Variants in FOXP1 observed in about 807,000 individuals in gnomAD.
FOXP1 encodes forkhead box protein P1.
Under a neutral mutation model 98.2 loss-of-function variants are expected in FOXP1, and 15 were observed. The observed-to-expected ratio is 0.15, with a 90% confidence interval of 0.10 to 0.24. The LOEUF (loss-of-function observed/expected upper bound fraction) is 0.24, where lower values mean the gene tolerates loss of function less well. Among genes scored for constraint, FOXP1 ranks in the 10% least tolerant of loss-of-function variants. FOXP1 has a pLI of 1.00. For missense variants in FOXP1, 633 were observed against 848.5 expected (o/e 0.75, Z 3.15); for synonymous variants, 371 against 314.5 (o/e 1.18, Z -1.90).
At position 71,226,498 on chromosome 3, in the gene FOXP1, G is replaced by A. The variant is rs560756864; in HGVS notation, c.-11-28106C>T. Among the ~76,000 whole-genome samples the A allele has an allele frequency of 1.1e-4, 16 of 151,926 alleles. No homozygotes were observed. The South Asian group carries it at 1.9e-3, about 18-fold the overall frequency. On this transcript the variant is annotated intron_variant, in intron 5 of 20. Transcript: ENST00000649528. ...TCACCTATGCAAGAGCCTCTTCCAGGCACAAGTGATGGCAGGGTCTACTCT... is the reference window on the plus strand; with the variant it reads ...TCACCTATGCAAGAGCCTCTTCCAGACACAAGTGATGGCAGGGTCTACTCT...
At chr3:71,226,069 A>G (rs2065811378) in intron 5 of FOXP1, among the ~76,000 whole-genome samples, 1 of 152,232 alleles carries the variant, frequency 6.6e-6, no homozygotes, top group Admixed American at 6.5e-5. Context: ...GGGCAGAGAA[A>G]AAACTTCTGA....
At chr3:71,087,433 A>G (rs1296403836) in intron 7 of FOXP1, among the ~76,000 whole-genome samples, 2 of 152,262 alleles carry the variant, frequency 1.3e-5, no homozygotes, top group Non-Finnish European at 2.9e-5. Context: ...GAGCCGCATC[A>G]GAGGTACTCT....
chr3:71,583,876 C>T (rs2048391177), upstream of FOXP1: 2 of 985,466 alleles, frequency 2.0e-6, no homozygotes, highest in Non-Finnish European at 2.4e-6. Context: ...CGACCCTCTA[C>T]CTCCCGCAGG....
intron 2 of FOXP1, among the ~76,000 whole-genome samples, chr3:71,546,876 A>G (rs2045403083): frequency 6.6e-6 from 1 of 152,194 alleles, no homozygotes; most frequent in Admixed American, 6.5e-5. Flanking sequence ...TTTCATCTGA[A>G]AATAAAACTG....
chr3:71,088,400 GT>G lies in FOXP1; in HGVS notation c.282+24135del, dbSNP rs539363748. 1.3e-3 allele frequency among the ~76,000 whole-genome samples: 186 copies of G among 140,744 alleles called. 1 individual carries two copies. Among genetic ancestry groups the G allele is most frequent in the South Asian group, 2.6e-3 (12 of 4,536 alleles). 92.3% of individuals were successfully genotyped at this position (140,744 alleles called of 152,430 possible). A position where few individuals can be genotyped will look rare whatever the true frequency, so the allele number is the denominator to read the frequency against. The stretch of plus-strand genomic sequence containing the variant: ...GTGGTGATACATTGTTTTGTTTTTT[GT>G]TTTTTTTTTTTTGGCTTACCAGTTT... On this transcript the variant is annotated intron_variant, in intron 7 of 20. Transcript: ENST00000649528.
At chr3:71,366,515 TTGCCCTAGAGAAA>T (rs1327161543) in intron 3 of FOXP1, among the ~76,000 whole-genome samples, 2 of 152,204 alleles carry the variant, frequency 1.3e-5, no homozygotes, top group African/African-American at 4.8e-5. Context: ...TTAACAGTAT[TTGCCCTAGAGAAA>T]TGGGATTACG....
At chr3:71,100,830 T>A (rs1314439646) in intron 7 of FOXP1, among the ~76,000 whole-genome samples, 1 of 152,152 alleles carries the variant, frequency 6.6e-6, no homozygotes, top group Non-Finnish European at 1.5e-5. Flanking sequence ...ATAAACTTCT[T>A]CTCGGGACAT....
At chr3:71,556,276 C>A (rs904568123) in intron 2 of FOXP1, among the ~76,000 whole-genome samples, 2 of 151,860 alleles carry the variant, frequency 1.3e-5, no homozygotes, top group East Asian at 3.9e-4. Flanking sequence ...AATTCTATAC[C>A]ATCTTTCACC....
intron 5 of FOXP1, among the ~76,000 whole-genome samples, chr3:71,229,245 C>T (rs1471100669): frequency 6.6e-6 from 1 of 152,126 alleles, no homozygotes; most frequent in Non-Finnish European, 1.5e-5. Context: ...ACATTAAAAT[C>T]TTTCATTCTG....
At chr3:71,481,863 C>G (rs891540207) in intron 3 of FOXP1, among the ~76,000 whole-genome samples, 1 of 152,172 alleles carries the variant, frequency 6.6e-6, no homozygotes, top group Non-Finnish European at 1.5e-5. Context: ...CACACCTTTT[C>G]TCACTCGATG....
rs370638902 is a variant in FOXP1 at position 71,198,205 on chromosome 3, T to TTGC, written c.174_176dup (p.Gln60dup). ...CCAAGACTCCAAAGCCCAGTACCTG[T>TTGC]TGCTGCTGCTGCTGGGCGTGGGCGA... On this transcript the variant is annotated inframe_insertion, in exon 6 of 21. Transcript: ENST00000649528. 5 of 1,613,926 alleles carry TTGC rather than the reference T, an allele frequency of 3.1e-6. No individual in the cohort carries two copies. Among genetic ancestry groups the TTGC allele is most frequent in the African/African-American group, 2.7e-5 (2 of 74,920 alleles).
intron 4 of FOXP1, among the ~76,000 whole-genome samples, chr3:71,312,666 G>A (rs1363657600): frequency 1.3e-5 from 2 of 152,208 alleles, no homozygotes; most frequent in East Asian, 1.9e-4. Flanking sequence ...AATAGCCTGG[G>A]CAATAAAGTG....
At chr3:71,194,261 CAAAAAA>C (rs11445848) in intron 6 of FOXP1, among the ~76,000 whole-genome samples, 14,208 of 113,770 alleles carry the variant, frequency 0.12, 845 homozygotes, top group Middle Eastern at 0.25. Flanking sequence ...CAGGTGGTAC[CAAAAAA>C]AAAAAAAAAA....
chr3:71,478,975 C>T (rs557028766), intron 3 of FOXP1, among the ~76,000 whole-genome samples: 3 of 152,286 alleles, frequency 2.0e-5, no homozygotes, highest in South Asian at 4.1e-4. Context: ...TGAAGTACAC[C>T]ATCCCCAGTG....
At chr3:71,083,073 T>C (rs912379533) in intron 7 of FOXP1, among the ~76,000 whole-genome samples, 3 of 152,300 alleles carry the variant, frequency 2.0e-5, no homozygotes, top group Admixed American at 2.0e-4. Context: ...GTCCCACTGA[T>C]ATAGTTTGAA....
intron 19 of FOXP1, among the ~76,000 whole-genome samples, chr3:70,967,673 AACT>A (rs1420662920): frequency 5.6e-5 from 8 of 142,382 alleles, no homozygotes; most frequent in Non-Finnish European, 9.2e-5. Context: ...CAGTTGCCAG[AACT>A]ACTATTATTT....
rs563953627 is a variant in FOXP1 at position 71,263,945 on chromosome 3, C to A, written c.-12+35875G>T. Reference sequence around the variant, plus strand: ...TTTTTTTTTAAATTAGAGATGAGGTCTCACTTTCCTGCCCAGGCTGGTCTC... The same window carrying A: ...TTTTTTTTTAAATTAGAGATGAGGTATCACTTTCCTGCCCAGGCTGGTCTC... On this transcript the variant is annotated intron_variant, in intron 5 of 20. Coordinates refer to ENST00000649528, the MANE Select transcript of FOXP1 (RefSeq NM_001349338.3). 5.3e-5 allele frequency among the ~76,000 whole-genome samples: 8 copies of A among 150,688 alleles called. No homozygotes were observed. The East Asian group carries it at 1.6e-3, about 29-fold the overall frequency.
Position 71,317,269 on chromosome 3 carries a change from C to A in FOXP1, c.-72-17389G>T, listed in dbSNP as rs904372194. ...CCTTCAACCCCCTCTACCTTCTATG[C>A]CACCATTACTCAAAAGTCACTCAAA... On this transcript the variant is annotated intron_variant, in intron 4 of 20. Transcript: ENST00000649528. 3.3e-5 allele frequency among the ~76,000 whole-genome samples: 5 copies of A among 152,202 alleles called. No individual in the cohort carries two copies. The South Asian group carries it at 8.3e-4, about 25-fold the overall frequency.
intron 7 of FOXP1, among the ~76,000 whole-genome samples, chr3:71,094,310 C>T (rs369072230): frequency 7.4e-5 from 10 of 135,618 alleles, no homozygotes; most frequent in South Asian, 2.3e-4. Flanking sequence ...GACAGAGTCT[C>T]GCTCTGTCGC....
Sources: gnomAD v4.1 joint callset for allele counts (sites outside exome capture counted in the v4.1 genomes callset) on GRCh38, gnomAD v4.1.1 for gene constraint, MANE v1.5 for transcripts, NCBI Gene and HGNC (gene_info 2026-07-23, HGNC 2026-07-21) for gene names.